CCDC88C: variants seen among roughly 807,000 people sequenced by gnomAD.
CCDC88C encodes the protein coiled-coil and HOOK domain protein 88C.
A neutral mutation model predicts 198.8 loss-of-function variants in CCDC88C; 131 were observed. That is an observed-to-expected ratio of 0.66 (90% confidence interval 0.57 to 0.76). The LOEUF (loss-of-function observed/expected upper bound fraction) is 0.76, where lower values mean the gene tolerates loss of function less well. Among genes scored for constraint, CCDC88C ranks in the 30% least tolerant of loss-of-function variants. CCDC88C has a pLI of 0.00. For missense variants in CCDC88C, 2,553 were observed against 2,631.6 expected (o/e 0.97, Z 0.65); for synonymous variants, 1,166 against 1,114.7 (o/e 1.05, Z -0.92).
At chr14:91,412,422 T>G (rs1376026375) in intron 2 of CCDC88C, among the ~76,000 whole-genome samples, 1 of 143,174 alleles carries the variant, frequency 7.0e-6, no homozygotes, top group Non-Finnish European at 1.5e-5. Flanking sequence ...AAGATGAACA[T>G]AGTTTGTGTA....
chr14:91,289,461 C>T (rs1000316475), intron 24 of CCDC88C, 118 bp from the exon 25 acceptor site: 41 of 871,070 alleles, frequency 4.7e-5, no homozygotes, highest in Admixed American at 8.5e-5. Flanking sequence ...AGGCCACTCA[C>T]GTGGGGTTCA....
At position 91,307,089 on chromosome 14, in the gene CCDC88C, G is replaced by A; in HGVS notation, c.3144C>T (p.Ala1048=). 6.2e-7 allele frequency: 1 copy of A among 1,613,866 alleles called. No homozygotes were observed. The highest frequency in any genetic ancestry group is 8.5e-7 in the Non-Finnish European group (1 of 1,179,828). Residue 1048 remains alanine, a synonymous_variant, in exon 18 of 30, where the codon GCC becomes GCT. Coordinates refer to ENST00000389857, the MANE Select transcript of CCDC88C (RefSeq NM_001080414.4). ...CCTTCACTCGGAGAAGCTCCATGGT[G>A]GCTTCCTTATGGCCGGGCCCCCAGG... The part of the protein sequence containing the change: ...KEAWGPGHKE[A]TMELLRVKDR...
chr14:91,324,195 G>T (rs1892481068), intron 12 of CCDC88C, among the ~76,000 whole-genome samples: 1 of 152,218 alleles, frequency 6.6e-6, no homozygotes, highest in Non-Finnish European at 1.5e-5. Flanking sequence ...TCCCATGACC[G>T]ACACCTCCTC....
intron 29 of CCDC88C, among the ~76,000 whole-genome samples, chr14:91,275,982 C>T (rs948272693): frequency 4.2e-4 from 64 of 151,762 alleles, no homozygotes; most frequent in African/African-American, 1.5e-3. Flanking sequence ...CCACCACGCC[C>T]GGCTAATTTT....
rs781593184 is a variant in CCDC88C, at chr14:91,339,941, C to T, written c.567G>A (p.Ser189=). 19 of 1,597,852 alleles carry T rather than the reference C, an allele frequency of 1.2e-5. No homozygotes were observed. The highest frequency in any genetic ancestry group is 2.3e-5 in the East Asian group (1 of 43,960). Residue 189 remains serine, a synonymous_variant, in exon 7 of 30, where the codon TCG becomes TCA. Coordinates refer to ENST00000389857, the MANE Select transcript of CCDC88C (RefSeq NM_001080414.4). This position sits in a 1 kb window ranked among gnomAD's most constrained non-coding sequence, Gnocchi z 5.8. ...DVAPEELEAL[S]RSMVLHLRRL... ...TCCGCAGGTGGAGCACCATGCTCCT[C>T]GACAGGGCCTCCAGCTCCTCCGGAG... is the stretch of plus-strand genomic sequence containing the variant.
At chr14:91,393,163 C>T (rs889701610) in intron 3 of CCDC88C, among the ~76,000 whole-genome samples, 14 of 152,138 alleles carry the variant, frequency 9.2e-5, no homozygotes, top group Non-Finnish European at 1.3e-4. Flanking sequence ...TCATCACCCC[C>T]ATCTGACAAA....
intron 3 of CCDC88C, among the ~76,000 whole-genome samples, chr14:91,375,288 GGA>G (rs895335611): frequency 6.6e-6 from 1 of 152,184 alleles, no homozygotes; most frequent in South Asian, 2.1e-4. Flanking sequence ...CGCGCATGTG[GGA>G]GAGAGAGAGA....
At chr14:91,319,596 T>TTAC (rs1399464871) in intron 13 of CCDC88C, among the ~76,000 whole-genome samples, 2 of 152,260 alleles carry the variant, frequency 1.3e-5, no homozygotes, top group African/African-American at 4.8e-5. Context: ...ATTCGGTACC[T>TTAC]TACTGGTTCT....
chr14:91,397,444 ACACACACT>A, intron 3 of CCDC88C, among the ~76,000 whole-genome samples: 1 of 152,282 alleles, frequency 6.6e-6, no homozygotes, highest in African/African-American at 2.4e-5. Context: ...CTGTGTACAC[ACACACACT>A]CACACACACT....
rs554313718 is a variant in CCDC88C at position 91,285,694 on chromosome 14, A to C, written c.4442-2177T>G. 1,682 of 1,288,958 alleles carry C rather than the reference A, an allele frequency of 1.3e-3. 1 individual carries two copies. The highest frequency in any genetic ancestry group is 1.6e-3 in the Non-Finnish European group (1,587 of 988,656). 79.8% of individuals were successfully genotyped at this position (1,288,958 alleles called of 1,614,324 possible). On this transcript the variant is annotated intron_variant, in intron 25 of 29. Transcript: ENST00000389857. Reference sequence around the variant, plus strand: ...ATTAGAAATCTCCAATGTCGGAGAAAGAGAGAGGCTCGTTAGGAGAGGATG... The same window carrying C: ...ATTAGAAATCTCCAATGTCGGAGAACGAGAGAGGCTCGTTAGGAGAGGATG...
chr14:91,302,862 G>A (rs900574829), intron 20 of CCDC88C, among the ~76,000 whole-genome samples: 4 of 152,158 alleles, frequency 2.6e-5, no homozygotes, highest in Middle Eastern at 3.2e-3. Flanking sequence ...AAACGGAGCC[G>A]TGGAGAATTC....
chr14:91,325,832 G>A lies in CCDC88C; in HGVS notation c.1197+78C>T. On this transcript the variant is annotated intron_variant, in intron 11 of 29. Transcript: ENST00000389857. This position sits in a 1 kb window ranked among gnomAD's most constrained non-coding sequence, Gnocchi z 4.1. ...GATCCTCCCACCTTAGCCTCCCAAAGTGCTGGGATTACAGGCATGAGCCAC... is the reference window on the plus strand; with the variant it reads ...GATCCTCCCACCTTAGCCTCCCAAAATGCTGGGATTACAGGCATGAGCCAC... 7.0e-7 allele frequency: 1 copy of A among 1,418,978 alleles called. No individual in the cohort carries two copies. Among genetic ancestry groups the A allele is most frequent in the Non-Finnish European group, 9.6e-7 (1 of 1,044,264 alleles). 87.9% of individuals were successfully genotyped at this position (1,418,978 alleles called of 1,614,324 possible). A position where few individuals can be genotyped will look rare whatever the true frequency, so the allele number is the denominator to read the frequency against.
At chr14:91,365,784 C>T (rs1894505194) in intron 3 of CCDC88C, among the ~76,000 whole-genome samples, 1 of 152,100 alleles carries the variant, frequency 6.6e-6, no homozygotes, top group South Asian at 2.1e-4. Flanking sequence ...CAAAAGGAAG[C>T]ATGAAAGAGG....
chr14:91,379,962 G>A (rs975573654), intron 3 of CCDC88C: 20 of 700,812 alleles, frequency 2.9e-5, no homozygotes, highest in Middle Eastern at 4.6e-4. Context: ...CGGGGATATC[G>A]AAAGGGGTAA....
At chr14:91,281,849 C>T (rs1374690247) in intron 26 of CCDC88C, among the ~76,000 whole-genome samples, 2 of 152,180 alleles carry the variant, frequency 1.3e-5, no homozygotes, top group Non-Finnish European at 2.9e-5. Flanking sequence ...GGAGTCCTTT[C>T]CAGTCTCAGA....
intron 2 of CCDC88C, among the ~76,000 whole-genome samples, chr14:91,412,720 C>T (rs550205160): frequency 1.3e-5 from 2 of 152,288 alleles, no homozygotes; most frequent in African/African-American, 4.8e-5. Flanking sequence ...CAGGCGTGAG[C>T]CACCGTGCCC....
At position 91,273,358 on chromosome 14, in the gene CCDC88C, G is replaced by A. The variant is rs1260553743; in HGVS notation, c.5354C>T (p.Ala1785Val). Reference protein sequence around the residue: ...QSLSLGRPRQAPVPPASHAPA... With the variant: ...QSLSLGRPRQVPVPPASHAPA... ...TGCATGGGAAGCTGGGGGCACCGGA[G>A]CCTGCCGGGGTCTGCCCAGAGACAG... Residue 1785 changes from alanine (A) to valine (V), a missense_variant, in exon 30 of 30, where the codon GCT (alanine) becomes GTT (valine). Ala to Val is a moderately conservative substitution (Grantham distance 64). This residue lies in a region of CCDC88C where 1,293 missense variants were observed against 1,219.6 expected (regional missense o/e 1.06). Transcript: ENST00000389857. The surrounding 1 kb of genome is among the most constrained non-coding windows in gnomAD (Gnocchi z 5.6). 2.6e-6 allele frequency: 4 copies of A among 1,532,424 alleles called. No homozygotes were observed. Among genetic ancestry groups the A allele is most frequent in the Admixed American group, 2.0e-5 (1 of 48,934 alleles). The allele number at this position is 1,532,424 out of a possible 1,614,324, so 94.9% of individuals were successfully genotyped here.
At chr14:91,373,676 C>A (rs534691090) in intron 3 of CCDC88C, among the ~76,000 whole-genome samples, 5 of 152,220 alleles carry the variant, frequency 3.3e-5, no homozygotes, top group Non-Finnish European at 7.4e-5. Context: ...GAGGGCATAT[C>A]GGGACACAGT....
intron 3 of CCDC88C, among the ~76,000 whole-genome samples, chr14:91,395,928 C>T (rs1373655307): frequency 6.6e-6 from 1 of 152,196 alleles, no homozygotes; most frequent in Non-Finnish European, 1.5e-5. Flanking sequence ...ACCACCAACT[C>T]AGAACTGGGG....
Sources: allele counts gnomAD v4.1 joint callset (sites outside exome capture counted in the v4.1 genomes callset), GRCh38; gene constraint gnomAD v4.1.1; regional missense constraint gnomAD v4.1.1; non-coding constraint Gnocchi (gnomAD v3.1); transcripts MANE v1.5; gene names NCBI Gene and HGNC (gene_info 2026-07-23, HGNC 2026-07-21).